RGS6: variants seen among roughly 807,000 people sequenced by gnomAD.
RGS6 encodes the protein regulator of G protein signaling 6.
RGS6 carries 30 observed loss-of-function variants against 78.5 expected under a neutral mutation model. The ratio of observed to expected loss-of-function variants is 0.38; its 90% CI spans 0.29 to 0.52. The LOEUF (loss-of-function observed/expected upper bound fraction) is 0.52. RGS6 is among the 20% of genes least tolerant of loss of function. RGS6 has a pLI of 0.85. For synonymous variants in RGS6, 206 were observed against 206.0 expected (o/e 1.00, Z 0.00); for missense variants, 495 against 609.7 (o/e 0.81, Z 1.98).
intron 2 of RGS6, among the ~76,000 whole-genome samples, chr14:72,333,136 T>C (rs1232054663): frequency 6.6e-6 from 1 of 152,020 alleles, no homozygotes; most frequent in East Asian, 1.9e-4. Flanking sequence ...CAGGGCAGGT[T>C]CCCACTCCTA....
chr14:72,465,876 G>A (rs2095897295), intron 7 of RGS6, 54 bp downstream of exon 7: 1 of 1,395,340 alleles, frequency 7.2e-7, no homozygotes, highest in Non-Finnish European at 1.0e-6. Context: ...AATCATATCT[G>A]CAGCTCCGTC....
At chr14:72,366,115 G>A (rs1231360090) in intron 3 of RGS6, among the ~76,000 whole-genome samples, 1 of 152,128 alleles carries the variant, frequency 6.6e-6, no homozygotes, top group African/African-American at 2.4e-5. Context: ...CTGCTACCCA[G>A]CCTTGAGATA....
At chr14:72,276,546 G>A (rs1015097567) in intron 2 of RGS6, among the ~76,000 whole-genome samples, 14 of 152,176 alleles carry the variant, frequency 9.2e-5, no homozygotes, top group Non-Finnish European at 1.9e-4. Flanking sequence ...ATCTTGAATT[G>A]TAGCTCCCAT....
At chr14:71,944,642 TATC>T (rs2091210383) in intron 1 of RGS6, among the ~76,000 whole-genome samples, 3 of 152,364 alleles carry the variant, frequency 2.0e-5, no homozygotes, top group South Asian at 4.1e-4. Context: ...GACAGCATTT[TATC>T]ATCAGATCTG....
chr14:72,425,144 A>T (rs1287989507), intron 3 of RGS6, among the ~76,000 whole-genome samples: 1 of 152,160 alleles, frequency 6.6e-6, no homozygotes, highest in Non-Finnish European at 1.5e-5. Context: ...GGAAGGGGAA[A>T]ATCTTTTTTT....
intron 2 of RGS6, among the ~76,000 whole-genome samples, chr14:72,289,304 A>C (rs796913660): frequency 6.6e-6 from 1 of 151,134 alleles, no homozygotes; most frequent in Non-Finnish European, 1.5e-5. Context: ...GTTAGCATTC[A>C]TTCATTCATT....
At chr14:72,515,847 A>G (rs1275581813) in intron 14 of RGS6, 1 of 152,286 alleles carries the variant, frequency 6.6e-6, no homozygotes, top group Non-Finnish European at 1.5e-5. Flanking sequence ...GGGGCTCAGC[A>G]GCTCCTCCTC....
chr14:72,056,479 G>A (rs1044572674), intron 2 of RGS6, among the ~76,000 whole-genome samples: 3 of 152,122 alleles, frequency 2.0e-5, no homozygotes, highest in Non-Finnish European at 4.4e-5. Flanking sequence ...ACATGGTCCC[G>A]TGAGAGAATT....
chr14:71,903,915 C>T, the RGS6 span, among the ~76,000 whole-genome samples: 179 of 152,184 alleles, frequency 1.2e-3, no homozygotes, highest in African/African-American at 4.2e-3. Context: ...CATGAATAAA[C>T]GAGATAAACA....
At position 72,194,635 on chromosome 14, in the gene RGS6, T is replaced by C. The variant is rs375350166; in HGVS notation, c.85-157460T>C. The stretch of plus-strand genomic sequence containing the variant: ...CCTTGGCCTTCCAAAGTGCTGGGAT[T>C]ACAGGCGTGAGCTACTGTGCCCGGC... On this transcript the variant is annotated intron_variant, in intron 2 of 17. Transcript: ENST00000553525. Among the ~76,000 whole-genome samples, 19 of 152,290 alleles carry C rather than the reference T, an allele frequency of 1.2e-4. No individual in the cohort carries two copies. The East Asian group carries it at 3.3e-3, about 26-fold the overall frequency.
At chr14:72,093,735 T>G (rs2095337295) in intron 2 of RGS6, among the ~76,000 whole-genome samples, 1 of 152,184 alleles carries the variant, frequency 6.6e-6, no homozygotes, top group African/African-American at 2.4e-5. Flanking sequence ...GTCATGGTCA[T>G]TGCAAACAGT....
intron 2 of RGS6, among the ~76,000 whole-genome samples, chr14:72,321,120 A>G (rs1164744173): frequency 6.6e-6 from 1 of 151,844 alleles, no homozygotes; most frequent in African/African-American, 2.4e-5. Flanking sequence ...ATAAAGAACA[A>G]TTTGTATTGC....
intron 2 of RGS6, among the ~76,000 whole-genome samples, chr14:72,333,746 G>A (rs560799032): frequency 6.6e-6 from 1 of 152,116 alleles, no homozygotes; most frequent in African/African-American, 2.4e-5. Flanking sequence ...CATGACCTTG[G>A]GGAGGCCAGC....
chr14:72,427,846 G>A (rs1243113400), intron 3 of RGS6, among the ~76,000 whole-genome samples: 1 of 152,212 alleles, frequency 6.6e-6, no homozygotes, highest in Non-Finnish European at 1.5e-5. Flanking sequence ...GCTTGGAGTA[G>A]TAGAGAGGAC....
chr14:72,498,005 CT>C (rs1319678214), intron 13 of RGS6, among the ~76,000 whole-genome samples: 1 of 152,046 alleles, frequency 6.6e-6, no homozygotes, highest in Non-Finnish European at 1.5e-5. Flanking sequence ...ATACAATTTC[CT>C]GAATTGCTCT....
intron 3 of RGS6, among the ~76,000 whole-genome samples, chr14:72,363,764 A>T (rs1176225497): frequency 1.3e-5 from 2 of 152,202 alleles, no homozygotes; most frequent in Non-Finnish European, 2.9e-5. Context: ...CCTCTATTAC[A>T]GTGATCTACC....
the RGS6 span, among the ~76,000 whole-genome samples, chr14:71,923,856 C>A: frequency 6.6e-6 from 1 of 151,994 alleles, no homozygotes; most frequent in South Asian, 2.1e-4. Flanking sequence ...AAATGTTCTA[C>A]GGATTAAAGA....
chr14:72,414,394 G>A (rs756869543), intron 3 of RGS6, among the ~76,000 whole-genome samples: 1 of 152,122 alleles, frequency 6.6e-6, no homozygotes, highest in Non-Finnish European at 1.5e-5. Context: ...CATAGTTCTC[G>A]TGCCGTGGTT....
intron 3 of RGS6, among the ~76,000 whole-genome samples, chr14:72,424,391 G>C (rs1597336665): frequency 6.6e-6 from 1 of 152,166 alleles, no homozygotes; most frequent in Non-Finnish European, 1.5e-5. Flanking sequence ...TTTAGTTCAG[G>C]GGTCAGCAAA....
Sources: allele counts gnomAD v4.1 joint callset (sites outside exome capture counted in the v4.1 genomes callset), GRCh38; gene constraint gnomAD v4.1.1; transcripts MANE v1.5; gene names NCBI Gene and HGNC (gene_info 2026-07-23, HGNC 2026-07-21).